EGFLAM: variants seen among roughly 807,000 people sequenced by gnomAD.
EGFLAM encodes the protein pikachurin.
Under a neutral mutation model 113.1 loss-of-function variants are expected in EGFLAM, and 79 were observed. The observed-to-expected ratio is 0.70, with a 90% confidence interval of 0.58 to 0.84. The LOEUF (loss-of-function observed/expected upper bound fraction) is 0.84, where lower values mean the gene tolerates loss of function less well. Among genes scored for constraint, EGFLAM ranks in the 40% least tolerant of loss-of-function variants. EGFLAM has a pLI of 0.00. For missense variants in EGFLAM, 1,265 were observed against 1,291.6 expected (o/e 0.98, Z 0.32); for synonymous variants, 504 against 487.6 (o/e 1.03, Z -0.44).
chr5:38,383,155 A>AGC (rs1363995137), intron 6 of EGFLAM, among the ~76,000 whole-genome samples: 2 of 152,198 alleles, frequency 1.3e-5, no homozygotes, highest in African/African-American at 4.8e-5. Flanking sequence ...GTCCCAACCA[A>AGC]CATGGGAGAA....
chr5:38,312,479 A>T (rs537634328), intron 1 of EGFLAM, among the ~76,000 whole-genome samples: 22 of 152,142 alleles, frequency 1.4e-4, no homozygotes, highest in African/African-American at 4.3e-4. Context: ...TGACCTCGTG[A>T]TCCGCCCGCC....
Position 38,456,297 on chromosome 5 carries a change from C to T in EGFLAM, c.2688-2014C>T, listed in dbSNP as rs917873399. On this transcript the variant is annotated intron_variant, in intron 19 of 21. Transcript: ENST00000322350. Reference sequence around the variant, plus strand: ...CCAAGGTCACAGAGCTGTTAACTAGCGAGTCTGGGGATCAAGGCAGGTCCG... The same window carrying T: ...CCAAGGTCACAGAGCTGTTAACTAGTGAGTCTGGGGATCAAGGCAGGTCCG... 5.3e-5 allele frequency among the ~76,000 whole-genome samples: 8 copies of T among 152,110 alleles called. 1 individual carries two copies. In the East Asian group the frequency reaches 5.8e-4, roughly 11 times the overall value.
At chr5:38,445,814 C>A in intron 17 of EGFLAM, 1 of 1,182,120 alleles carries the variant, frequency 8.5e-7, no homozygotes, top group East Asian at 2.3e-5. Flanking sequence ...CATGCCTACG[C>A]GTGGTGGGAA....
intron 1 of EGFLAM, among the ~76,000 whole-genome samples, chr5:38,328,720 CTTGTTT>C (rs1295725680): frequency 2.4e-4 from 18 of 75,312 alleles, no homozygotes; most frequent in African/African-American, 8.9e-4. Flanking sequence ...ACTAGCTATA[CTTGTTT>C]TTTTTTTTTT....
At chr5:38,305,535 G>A (rs1455021986) in intron 1 of EGFLAM, 11 of 443,578 alleles carry the variant, frequency 2.5e-5, no homozygotes, top group Admixed American at 2.5e-4. Flanking sequence ...GATATAAGAA[G>A]TCCCCAGAAT....
At chr5:38,308,557 T>C (rs1319408624) in intron 1 of EGFLAM, among the ~76,000 whole-genome samples, 1 of 152,190 alleles carries the variant, frequency 6.6e-6, no homozygotes, top group Non-Finnish European at 1.5e-5. Flanking sequence ...TTCTTGGGTT[T>C]CCTCATCCAA....
chr5:38,429,542 C>T (rs1742121963), intron 14 of EGFLAM, among the ~76,000 whole-genome samples: 2 of 152,202 alleles, frequency 1.3e-5, no homozygotes, highest in South Asian at 2.1e-4. Flanking sequence ...TAATGAGTCT[C>T]TTTCTGCACA....
chr5:38,308,384 G>A (rs147711767), intron 1 of EGFLAM, among the ~76,000 whole-genome samples: 159 of 151,968 alleles, frequency 1.0e-3, no homozygotes, highest in African/African-American at 3.3e-3. Flanking sequence ...CTGCTCATGA[G>A]ACCCTCCGCA....
At chr5:38,386,292 G>A (rs1740660345) in intron 6 of EGFLAM, among the ~76,000 whole-genome samples, 1 of 152,130 alleles carries the variant, frequency 6.6e-6, no homozygotes, top group South Asian at 2.1e-4. Context: ...CACCTCCCGA[G>A]TTCAAGCAAT....
intron 1 of EGFLAM, chr5:38,290,776 C>A: frequency 6.6e-6 from 1 of 152,642 alleles, no homozygotes. Context: ...TGCTGCCTCT[C>A]TCCTTTAAAA....
intron 11 of EGFLAM, 122 bp from the exon 12 acceptor site, chr5:38,417,944 G>T: frequency 1.0e-6 from 1 of 1,000,680 alleles, no homozygotes. Flanking sequence ...GATAAATACA[G>T]ATGGAAGAAA....
chr5:38,442,310 T>C (rs1256057906), intron 17 of EGFLAM, among the ~76,000 whole-genome samples: 1 of 148,134 alleles, frequency 6.8e-6, no homozygotes, highest in Non-Finnish European at 1.5e-5. Flanking sequence ...ATATACTAAA[T>C]TTTTATATTT....
intron 15 of EGFLAM, among the ~76,000 whole-genome samples, chr5:38,434,795 C>A (rs1343906095): frequency 6.6e-6 from 1 of 152,218 alleles, no homozygotes; most frequent in Non-Finnish European, 1.5e-5. Context: ...TCTGAGCCGA[C>A]AGGTTGGAGG....
At chr5:38,422,698 C>G (rs779996966) in intron 12 of EGFLAM, among the ~76,000 whole-genome samples, 2 of 152,080 alleles carry the variant, frequency 1.3e-5, no homozygotes, top group African/African-American at 4.8e-5. Context: ...AAAGTAGCAA[C>G]AAGTATGAAT....
chr5:38,438,310 T>C lies in EGFLAM; in HGVS notation c.2319T>C (p.His773=), dbSNP rs373886391. The part of the protein sequence containing the change: ...ILNDRTIHVK[H]DFTSGVNVEN... ...ATGACCGAACCATCCATGTGAAGCA[T>C]GACTTCACCTCCGGAGTGAATGTGG... Residue 773 remains histidine, a synonymous_variant, in exon 17 of 22, where the codon CAT becomes CAC. Transcript: ENST00000322350. 2.4e-5 allele frequency: 39 copies of C among 1,613,972 alleles called. 1 individual carries two copies. In the African/African-American group the frequency reaches 4.8e-4, roughly 20 times the overall value.
At chr5:38,313,901 C>T (rs905890683) in intron 1 of EGFLAM, among the ~76,000 whole-genome samples, 1 of 152,020 alleles carries the variant, frequency 6.6e-6, no homozygotes, top group Admixed American at 6.6e-5. Context: ...ATATGTTAAA[C>T]GATATTAATC....
Position 38,463,853 on chromosome 5 carries a change from T to C in EGFLAM, c.2897T>C (p.Leu966Pro). The C allele has an allele frequency of 6.2e-7, 1 of 1,613,972 alleles. No individual in the cohort carries two copies. The highest frequency in any genetic ancestry group is 8.5e-7 in the Non-Finnish European group (1 of 1,180,008). The change falls in exon 22 of 22, where the codon CTG becomes CCG. Residue 966 changes from leucine to proline, a missense_variant. Physicochemically the swap from Leu to Pro is moderately conservative, Grantham distance 98 (BLOSUM62 -3). Coordinates refer to ENST00000322350, the MANE Select transcript of EGFLAM (RefSeq NM_152403.4). ...GCAGGTGGAATGAAGGAAATTGCTCTGCACACTAACAGGCAATATATGAGA... is the reference window on the plus strand; with the variant it reads ...GCAGGTGGAATGAAGGAAATTGCTCCGCACACTAACAGGCAATATATGAGA... The part of the protein sequence containing the change: ...LYVGGMKEIA[L>P]HTNRQYMRGL...
chr5:38,352,232 A>G lies in EGFLAM; in HGVS notation c.446A>G (p.His149Arg). Residue 149 changes from histidine to arginine, a missense_variant, in exon 5 of 22, where the codon CAT becomes CGT. Transcript: ENST00000322350. ...CLPPAAPQQP[H>R]VIVVSDSEVA... ...CCTCCTGCAGCTCCCCAGCAGCCAC[A>G]TGTCATTGTGGTTTCGGATTCTGAG... The G allele has an allele frequency of 2.5e-6, 4 of 1,614,050 alleles. No homozygotes were observed. The highest frequency in any genetic ancestry group is 3.4e-6 in the Non-Finnish European group (4 of 1,179,978).
chr5:38,385,720 T>A (rs1740642365), intron 6 of EGFLAM, among the ~76,000 whole-genome samples: 1 of 152,208 alleles, frequency 6.6e-6, no homozygotes, highest in Non-Finnish European at 1.5e-5. Context: ...CAGTTCCAAT[T>A]TTTAAAGTGT....
Sources: allele counts gnomAD v4.1 joint callset (sites outside exome capture counted in the v4.1 genomes callset), GRCh38; gene constraint gnomAD v4.1.1; transcripts MANE v1.5; gene names NCBI Gene and HGNC (gene_info 2026-07-23, HGNC 2026-07-21).